SHPRH: variants seen among roughly 807,000 people sequenced by gnomAD.
The protein encoded by SHPRH is E3 ubiquitin-protein ligase SHPRH.
In SHPRH, 106 loss-of-function variants were observed where a neutral mutation model predicts 202.5. The ratio of observed to expected loss-of-function variants is 0.52; its 90% CI spans 0.45 to 0.62. The LOEUF (loss-of-function observed/expected upper bound fraction) is 0.62, where lower values mean the gene tolerates loss of function less well. Ranked by LOEUF, SHPRH falls within the 20% of genes least tolerant of loss-of-function variation. The probability of loss-of-function intolerance (pLI) is 0.00; values close to 1 mark genes in which losing one functional copy is unlikely to be tolerated. For missense variants in SHPRH, 1,710 were observed against 2,020.0 expected, an observed-to-expected ratio of 0.85 and a Z score of 2.94; for synonymous variants, 729 against 686.0, an observed-to-expected ratio of 1.06 and a Z score of -0.98.
At chr6:145,869,825 T>C (rs1779974031) in intron 2 of SHPRH, among the ~76,000 whole-genome samples, 3 of 151,308 alleles carry the variant, frequency 2.0e-5, no homozygotes, top group African/African-American at 7.3e-5. Flanking sequence ...TTTTCTTTTT[T>C]TTTTTTTTGC....
intron 24 of SHPRH, among the ~76,000 whole-genome samples, chr6:145,911,483 A>C (rs540824339): frequency 3.0e-4 from 45 of 152,286 alleles, no homozygotes; most frequent in Non-Finnish European, 5.4e-4. Context: ...ATCCTCTCTG[A>C]ATCTCTGCAA....
intron 11 of SHPRH, among the ~76,000 whole-genome samples, chr6:145,936,986 T>C (rs1278201642): frequency 6.8e-5 from 10 of 147,956 alleles, no homozygotes; most frequent in Admixed American, 1.3e-4. Flanking sequence ...ATCTTTTTTT[T>C]TTTTTTTTTT....
downstream of SHPRH, among the ~76,000 whole-genome samples, chr6:145,861,878 A>C (rs1447460305): frequency 6.6e-6 from 1 of 152,206 alleles, no homozygotes; most frequent in Non-Finnish European, 1.5e-5. Context: ...AACCTGGAAG[A>C]CAGTATATTA....
chr6:145,943,666 T>C lies in SHPRH; in HGVS notation c.1715A>G (p.Asn572Ser), dbSNP rs780118810. 6.2e-7 allele frequency: 1 copy of C among 1,613,962 alleles called. No homozygotes were observed. The highest frequency in any genetic ancestry group is 1.1e-5 in the South Asian group (1 of 91,082). ...PYYYYYKSRR[N>S]RSKLRKKLVP... ...AAGCTTTTTCCTCAATTTACTGCGATTTCTCCTGGACTTATAATAATAATA... is the reference window on the plus strand; with the variant it reads ...AAGCTTTTTCCTCAATTTACTGCGACTTCTCCTGGACTTATAATAATAATA... The change falls in exon 9 of 30, where the codon AAT becomes AGT. Residue 572 changes from asparagine (N) to serine (S), a missense_variant. Transcript: ENST00000275233.
Position 145,945,589 on chromosome 6 carries a change from T to G in SHPRH, c.1370A>C (p.Lys457Thr), listed in dbSNP as rs1173306848. ...ATAGATGGAAAGGATGGACACTCCT[T>G]TTTTTCCATTCATTTCTTTCACAGC... ...LTAVKEMNGKKGVSILSIYKY... is the reference protein window; with the variant it reads ...LTAVKEMNGKTGVSILSIYKY... The change falls in exon 8 of 30, where the codon AAA (lysine) becomes ACA (threonine). Residue 457 changes from lysine to threonine, a missense_variant. Lys to Thr is a moderately conservative substitution (Grantham distance 78, BLOSUM62 -1). This residue lies in a region of SHPRH where 348 missense variants were observed against 356.9 expected (regional missense o/e 0.97). Transcript: ENST00000275233. The G allele has an allele frequency of 6.2e-7, 1 of 1,612,618 alleles. No individual in the cohort carries two copies. Among genetic ancestry groups the G allele is most frequent in the Non-Finnish European group, 8.5e-7 (1 of 1,179,398 alleles).
At chr6:145,940,378 C>T (rs1476357513) in intron 11 of SHPRH, among the ~76,000 whole-genome samples, 2 of 148,310 alleles carry the variant, frequency 1.3e-5, no homozygotes, top group African/African-American at 2.5e-5. Flanking sequence ...CCACCCCCCC[C>T]ACCCTTTGTT....
At chr6:145,931,053 T>C (rs1005575601) in intron 14 of SHPRH, among the ~76,000 whole-genome samples, 2 of 152,160 alleles carry the variant, frequency 1.3e-5, no homozygotes, top group Non-Finnish European at 2.9e-5. Context: ...GATAGAAATA[T>C]AGTGGCTTTA....
intron 2 of SHPRH, among the ~76,000 whole-genome samples, chr6:145,868,642 A>T (rs560650691): frequency 6.6e-6 from 1 of 152,222 alleles, no homozygotes; most frequent in Non-Finnish European, 1.5e-5. Flanking sequence ...AAGATAATCT[A>T]GCTTTCTTAG....
intron 17 of SHPRH, 66 bp downstream of exon 17, chr6:145,924,673 A>G: frequency 6.8e-7 from 1 of 1,479,924 alleles, no homozygotes; most frequent in South Asian, 1.2e-5. Flanking sequence ...CTCCCCACCA[A>G]AAAACCAAAA....
chr6:145,963,430 T>G (rs553349215), intron 1 of SHPRH, among the ~76,000 whole-genome samples: 4 of 152,282 alleles, frequency 2.6e-5, no homozygotes, highest in Non-Finnish European at 4.4e-5. Context: ...TCAAACTACT[T>G]GGAAAAAGGG....
downstream of SHPRH, among the ~76,000 whole-genome samples, chr6:145,863,633 G>A (rs540870513): frequency 2.6e-5 from 4 of 152,310 alleles, no homozygotes; most frequent in African/African-American, 9.6e-5. Context: ...GAGTTTTTAG[G>A]GGAGAGTGTC....
chr6:145,929,881 T>C (rs1785252053), intron 14 of SHPRH, among the ~76,000 whole-genome samples: 1 of 152,128 alleles, frequency 6.6e-6, no homozygotes, highest in South Asian at 2.1e-4. Context: ...GTAACCTTCA[T>C]ATTACCATAA....
At chr6:145,919,632 G>C in intron 21 of SHPRH, 141 bp from the exon 22 acceptor site, 1 of 917,916 alleles carries the variant, frequency 1.1e-6, no homozygotes, top group Non-Finnish European at 1.5e-6. Context: ...GTAGTTCCTG[G>C]GGTCATTTTT....
At chr6:145,921,616 A>G (rs1019646581) in intron 20 of SHPRH, among the ~76,000 whole-genome samples, 3 of 152,114 alleles carry the variant, frequency 2.0e-5, no homozygotes, top group African/African-American at 7.2e-5. Flanking sequence ...TAACAACACA[A>G]AAATCTTGTT....
downstream of SHPRH, among the ~76,000 whole-genome samples, chr6:145,859,475 C>T (rs1007282783): frequency 2.0e-5 from 3 of 151,918 alleles, no homozygotes; most frequent in African/African-American, 4.8e-5. Context: ...GTAGACAAAT[C>T]GATGAGTGGA....
chr6:145,912,267 A>C (rs1454352842), intron 24 of SHPRH, among the ~76,000 whole-genome samples: 1 of 143,212 alleles, frequency 7.0e-6, no homozygotes, highest in East Asian at 1.9e-4. Flanking sequence ...TCCAAAAAGG[A>C]AAAAAAAATA....
chr6:145,955,836 C>G (rs536855010), intron 1 of SHPRH, among the ~76,000 whole-genome samples: 19 of 151,688 alleles, frequency 1.3e-4, no homozygotes, highest in African/African-American at 4.6e-4. Flanking sequence ...AATCAAAAAG[C>G]CCCAGAAAAG....
intron 15 of SHPRH, 118 bp downstream of exon 15, chr6:145,927,071 C>G (rs1784947274): frequency 4.6e-6 from 4 of 863,008 alleles, no homozygotes; most frequent in Non-Finnish European, 7.3e-6. Context: ...GACTGAATCC[C>G]AAGTTTCACC....
intron 14 of SHPRH, among the ~76,000 whole-genome samples, chr6:145,928,222 T>C (rs1240812036): frequency 6.6e-6 from 1 of 152,008 alleles, no homozygotes; most frequent in African/African-American, 2.4e-5. Flanking sequence ...ATTATCTGCT[T>C]CTTTACACAG....
Sources: gnomAD v4.1 joint callset for allele counts (sites outside exome capture counted in the v4.1 genomes callset) on GRCh38, gnomAD v4.1.1 for gene constraint, gnomAD v4.1.1 regional missense constraint, MANE v1.5 for transcripts, NCBI Gene and HGNC (gene_info 2026-07-23, HGNC 2026-07-21) for gene names.